The following CLASP1 variants were observed in gnomAD, a reference collection of about 807,000 sequenced individuals.
CLASP1 encodes the protein cytoplasmic linker associated protein 1, also known as CLIP-associating protein 1.
A neutral mutation model predicts 192.3 loss-of-function variants in CLASP1; 38 were observed. That is an observed-to-expected ratio of 0.20 (90% CI 0.15 to 0.26). The LOEUF (loss-of-function observed/expected upper bound fraction) is 0.26. Ranked by LOEUF, CLASP1 falls within the 10% of genes least tolerant of loss-of-function variation. The pLI is 1.00. For synonymous variants in CLASP1, 691 were observed against 712.8 expected, an observed-to-expected ratio of 0.97 and a Z score of 0.49; for missense variants, 1,433 against 1,932.5, an observed-to-expected ratio of 0.74 and a Z score of 4.85.
intron 7 of CLASP1, among the ~76,000 whole-genome samples, chr2:121,507,795 CA>C (rs1339455850): frequency 2.0e-5 from 3 of 152,056 alleles, no homozygotes; most frequent in African/African-American, 4.8e-5. Context: ...TCATTGTGCA[CA>C]AGGGATCCTC....
At chr2:121,427,377 A>C (rs769558709) in intron 21 of CLASP1, 27 bp downstream of exon 21, 11 of 1,611,548 alleles carry the variant, frequency 6.8e-6, no homozygotes, top group Admixed American at 5.0e-5. Flanking sequence ...ACAACAACAA[A>C]AAAAGGCAAG....
At chr2:121,464,287 A>G (rs2088923735) in intron 9 of CLASP1, among the ~76,000 whole-genome samples, 2 of 151,930 alleles carry the variant, frequency 1.3e-5, no homozygotes, top group Admixed American at 1.3e-4. Flanking sequence ...GCTATTGTGA[A>G]TAGTGCCGCA....
At chr2:121,472,495 T>G (rs139908898) in intron 8 of CLASP1, among the ~76,000 whole-genome samples, 1 of 152,194 alleles carries the variant, frequency 6.6e-6, no homozygotes, top group South Asian at 2.1e-4. Context: ...CACCCCAACT[T>G]TCTGCCTGGA....
chr2:121,483,566 ATG>A (rs1405695527), intron 8 of CLASP1, among the ~76,000 whole-genome samples: 58 of 151,580 alleles, frequency 3.8e-4, no homozygotes, highest in African/African-American at 1.4e-3. Flanking sequence ...ATATATATGT[ATG>A]TATATATATG....
intron 2 of CLASP1, among the ~76,000 whole-genome samples, chr2:121,590,202 C>T (rs892376920): frequency 6.6e-6 from 1 of 152,146 alleles, no homozygotes; most frequent in African/African-American, 2.4e-5. Flanking sequence ...TATGGAGGCA[C>T]TCCTGCAACA....
chr2:121,560,969 C>T (rs553341778), intron 2 of CLASP1, among the ~76,000 whole-genome samples: 2 of 152,280 alleles, frequency 1.3e-5, no homozygotes, highest in South Asian at 2.1e-4. Flanking sequence ...TGCAATGGCA[C>T]GATCCTGGCT....
intron 2 of CLASP1, among the ~76,000 whole-genome samples, chr2:121,541,019 A>G (rs1167366200): frequency 6.6e-6 from 1 of 152,194 alleles, no homozygotes; most frequent in African/African-American, 2.4e-5. Context: ...TGCACATTCT[A>G]TACACACTTC....
intron 2 of CLASP1, among the ~76,000 whole-genome samples, chr2:121,604,054 A>G (rs559928221): frequency 6.6e-6 from 1 of 152,348 alleles, no homozygotes; most frequent in East Asian, 1.9e-4. Context: ...ATTAGCTAGA[A>G]GGAGGATATT....
intron 19 of CLASP1, among the ~76,000 whole-genome samples, chr2:121,431,472 G>C (rs2081382605): frequency 1.3e-5 from 2 of 152,082 alleles, no homozygotes; most frequent in Admixed American, 6.5e-5. Flanking sequence ...CTGGCTGACT[G>C]GGAAGCCTAT....
chr2:121,487,300 G>A (rs1040108233), intron 8 of CLASP1, among the ~76,000 whole-genome samples: 3 of 151,968 alleles, frequency 2.0e-5, no homozygotes, highest in African/African-American at 4.8e-5. Context: ...TATCCTTACT[G>A]GTGTCCATGT....
intron 2 of CLASP1, among the ~76,000 whole-genome samples, chr2:121,554,454 TAAAAAAAAAAAAAAAA>T (rs56965310): frequency 1.1e-5 from 1 of 87,562 alleles, no homozygotes; most frequent in Non-Finnish European, 2.3e-5. Context: ...CTACAAAAAG[TAAAAAAAAAAAAAAAA>T]AAAAAAAAAA....
intron 5 of CLASP1, among the ~76,000 whole-genome samples, chr2:121,527,118 C>T (rs1340590589): frequency 2.0e-5 from 3 of 152,168 alleles, no homozygotes; most frequent in African/African-American, 7.2e-5. Context: ...CCAAATCACC[C>T]AGCAAGTGTA....
At chr2:121,384,067 T>TACAC (rs201621935) in intron 32 of CLASP1, among the ~76,000 whole-genome samples, 1 of 136,510 alleles carries the variant, frequency 7.3e-6, no homozygotes, top group East Asian at 2.0e-4. Context: ...TATGTATATA[T>TACAC]ACACACACAC....
intron 19 of CLASP1, among the ~76,000 whole-genome samples, chr2:121,443,656 C>G (rs774788116): frequency 6.6e-6 from 1 of 152,150 alleles, no homozygotes; most frequent in Non-Finnish European, 1.5e-5. Context: ...TTTTTACAAA[C>G]TTGTCCGACC....
chr2:121,597,310 G>A (rs553880883), intron 2 of CLASP1, among the ~76,000 whole-genome samples: 7 of 152,112 alleles, frequency 4.6e-5, no homozygotes, highest in Non-Finnish European at 1.0e-4. Context: ...CTGGCTCACA[G>A]TAAATGCACC....
chr2:121,631,571 C>T (rs2106233738), intron 1 of CLASP1, among the ~76,000 whole-genome samples: 1 of 151,946 alleles, frequency 6.6e-6, no homozygotes, highest in South Asian at 2.1e-4. Flanking sequence ...CAGGCGTAAG[C>T]CACCAAGCCC....
chr2:121,345,675 C>G (rs956693852), intron 39 of CLASP1, among the ~76,000 whole-genome samples: 2 of 152,162 alleles, frequency 1.3e-5, no homozygotes, highest in Non-Finnish European at 2.9e-5. Context: ...AACTGGAGAA[C>G]AGAATAAGGT....
At chr2:121,387,146 C>T (rs796807052) in exon 32 of CLASP1, 1 of 1,613,736 alleles carries the variant, frequency 6.2e-7, no homozygotes, top group Non-Finnish European at 8.5e-7. Flanking sequence ...CCCATGGGAA[C>T]AGTTGGTGGG....
chr2:121,601,183 A>G (rs948897095), intron 2 of CLASP1, among the ~76,000 whole-genome samples: 8 of 152,142 alleles, frequency 5.3e-5, no homozygotes, highest in African/African-American at 1.4e-4. Context: ...TGGAGTTGTG[A>G]CCCAAAAACA....
Sources: gnomAD v4.1 joint callset for allele counts (sites outside exome capture counted in the v4.1 genomes callset) on GRCh38, gnomAD v4.1.1 for gene constraint, MANE v1.5 for transcripts, NCBI Gene and HGNC (gene_info 2026-07-23, HGNC 2026-07-21) for gene names.